Variants in HTT observed in about 807,000 individuals in gnomAD.
The protein encoded by HTT is huntington disease protein.
A neutral mutation model predicts 362.3 loss-of-function variants in HTT; 104 were observed. The ratio of observed to expected loss-of-function variants is 0.29; its 90% CI spans 0.24 to 0.34. The LOEUF (loss-of-function observed/expected upper bound fraction) is 0.34. Among genes scored for constraint, HTT ranks in the 10% least tolerant of loss-of-function variants. The probability of loss-of-function intolerance (pLI) is 1.00; values close to 1 mark genes in which losing one functional copy is unlikely to be tolerated. For missense variants in HTT, 3,301 were observed against 3,928.6 expected, an observed-to-expected ratio of 0.84 and a Z score of 4.27; for synonymous variants, 1,577 against 1,548.7, an observed-to-expected ratio of 1.02 and a Z score of -0.43.
Position 3,154,374 on chromosome 4 carries a change from G to A in HTT, c.3580G>A (p.Ala1194Thr), listed in dbSNP as rs1717044585. Reference sequence around the variant, plus strand: ...GAAGGAGAAAGAACCAGGAGAACAAGCATCTGTACCGTTGAGTCCCAAGAA... The same window carrying A: ...GAAGGAGAAAGAACCAGGAGAACAAACATCTGTACCGTTGAGTCCCAAGAA... ...KGKEKEPGEQ[A>T]SVPLSPKKGS... The change falls in exon 27 of 67, where the codon GCA (alanine) becomes ACA (threonine). Residue 1194 changes from alanine to threonine, a missense_variant. This residue lies in a region of HTT where 2,316 missense variants were observed against 2,658.5 expected (regional missense o/e 0.87). Coordinates refer to ENST00000355072, the MANE Select transcript of HTT (RefSeq NM_001388492.1). 5 of 1,613,814 alleles carry A rather than the reference G, an allele frequency of 3.1e-6. No homozygotes were observed. The East Asian group carries it at 1.1e-4, about 36-fold the overall frequency.
In HTT at chr4:3,142,879, C is replaced by T; in HGVS notation, c.3059C>T (p.Ala1020Val). The T allele has an allele frequency of 6.2e-7, 1 of 1,612,572 alleles. No homozygotes were observed. The highest frequency in any genetic ancestry group is 8.5e-7 in the Non-Finnish European group (1 of 1,178,832). Residue 1020 changes from alanine to valine, a missense_variant, in exon 23 of 67, where the codon GCA (alanine) becomes GTA (valine). Transcript: ENST00000355072. ...GAACTAATCACATCAACCACCAGAG[C>T]ACTCACAGTAAGTCTCTTTCTTGAT... Reference protein sequence around the residue: ...SHELITSTTRALTFGCCEALC... With the variant: ...SHELITSTTRVLTFGCCEALC...
At chr4:3,237,517 T>C (rs1000048838) in intron 64 of HTT, among the ~76,000 whole-genome samples, 25 of 152,202 alleles carry the variant, frequency 1.6e-4, no homozygotes, top group African/African-American at 5.8e-4. Flanking sequence ...GTGGGCCCAA[T>C]GCTAGGTGGC....
intron 24 of HTT, 89 bp from the exon 25 acceptor site, chr4:3,146,708 T>C: frequency 8.8e-7 from 1 of 1,141,830 alleles, no homozygotes. Context: ...TATTGTGACA[T>C]GCCTTCCTCT....
intron 21 of HTT, among the ~76,000 whole-genome samples, chr4:3,137,653 C>T (rs977058340): frequency 3.9e-5 from 6 of 152,308 alleles, no homozygotes; most frequent in Middle Eastern, 3.4e-3. Flanking sequence ...GAGCAGAGAT[C>T]GCGCCACTGC....
Position 3,129,908 on chromosome 4 carries a change from C to T in HTT, c.1744-16C>T, listed in dbSNP as rs142941007. On this transcript the variant is annotated splice_polypyrimidine_tract_variant and intron_variant, in intron 12 of 66. Transcript: ENST00000355072. ...TCACACTTCAAAATTCTCACAGCCCCCCTTGAACCGTTTAGGTGTTAGACG... is the reference window on the plus strand; with the variant it reads ...TCACACTTCAAAATTCTCACAGCCCTCCTTGAACCGTTTAGGTGTTAGACG... 6.2e-7 allele frequency: 1 copy of T among 1,613,922 alleles called. No homozygotes were observed. Among genetic ancestry groups the T allele is most frequent in the Admixed American group, 1.7e-5 (1 of 60,000 alleles).
chr4:3,191,330 C>A (rs1352619625), intron 40 of HTT, among the ~76,000 whole-genome samples: 1 of 151,998 alleles, frequency 6.6e-6, no homozygotes, highest in Non-Finnish European at 1.5e-5. Flanking sequence ...TGCACCACCA[C>A]GCCTGGCTAA....
intron 2 of HTT, among the ~76,000 whole-genome samples, chr4:3,088,056 C>T (rs1256474641): frequency 6.6e-6 from 1 of 151,206 alleles, no homozygotes; most frequent in Non-Finnish European, 1.5e-5. Flanking sequence ...AGGCTGATCT[C>T]GAACTCCCAA....
In HTT at chr4:3,148,045, A is replaced by G. The variant is rs774572565; in HGVS notation, c.3336A>G (p.Glu1112=). The change falls in exon 26 of 67, where the codon GAA becomes GAG. Residue 1112 remains glutamate (E), a synonymous_variant. Coordinates refer to ENST00000355072, the MANE Select transcript of HTT (RefSeq NM_001388492.1). Reference sequence around the variant, plus strand: ...CTCTGAGAAGTTCATGGGCCTCTGAAGAAGAAGCCAACCCAGCAGCCACCA... The same window carrying G: ...CTCTGAGAAGTTCATGGGCCTCTGAGGAAGAAGCCAACCCAGCAGCCACCA... ...PKSLRSSWAS[E]EEANPAATKQ... 1 of 1,614,084 alleles carries G rather than the reference A, an allele frequency of 6.2e-7. No individual in the cohort carries two copies. The highest frequency in any genetic ancestry group is 8.5e-7 in the Non-Finnish European group (1 of 1,179,986).
Position 3,223,448 on chromosome 4 carries a change from G to A in HTT, c.7513G>A (p.Ala2505Thr). 1 of 1,611,964 alleles carries A rather than the reference G, an allele frequency of 6.2e-7. No homozygotes were observed. Among genetic ancestry groups the A allele is most frequent in the Non-Finnish European group, 8.5e-7 (1 of 1,178,906 alleles). Residue 2505 changes from alanine (A) to threonine (T), a missense_variant, in exon 55 of 67, where the codon GCC (alanine) becomes ACC (threonine). Physicochemically the swap from Ala to Thr is moderately conservative, Grantham distance 58. Transcript: ENST00000355072. ...CCAGATCAACGTCCTGGCCGTGCAGGCCATCACCTCACTGGTGCTCAGTGC... is the reference window on the plus strand; with the variant it reads ...CCAGATCAACGTCCTGGCCGTGCAGACCATCACCTCACTGGTGCTCAGTGC... ...RTQINVLAVQ[A>T]ITSLVLSAMT... is the part of the protein sequence containing the mutation.
chr4:3,102,652 A>G (rs1433489795), intron 3 of HTT, among the ~76,000 whole-genome samples: 2 of 152,190 alleles, frequency 1.3e-5, no homozygotes, highest in African/African-American at 4.8e-5. Flanking sequence ...ACTTACATCA[A>G]CTGCCCATGC....
intron 51 of HTT, 131 bp downstream of exon 51, chr4:3,215,342 C>T: frequency 1.5e-6 from 1 of 645,346 alleles, no homozygotes; most frequent in Non-Finnish European, 2.7e-6. Context: ...CCTGCTGCTC[C>T]TCCCTAGCTG....
intron 21 of HTT, among the ~76,000 whole-genome samples, chr4:3,138,097 CTTCT>C (rs755738216): frequency 2.2e-5 from 3 of 135,520 alleles, no homozygotes; most frequent in Non-Finnish European, 4.8e-5. Flanking sequence ...TCCTTCCTTC[CTTCT>C]TTCCTTCCTC....
At chr4:3,199,619 G>A (rs1038404924) in intron 40 of HTT, 113 bp from the exon 41 acceptor site, 7 of 838,724 alleles carry the variant, frequency 8.3e-6, no homozygotes, top group African/African-American at 1.7e-5. Flanking sequence ...TTCTGAATAC[G>A]TAAGTATGGG....
chr4:3,166,376 C>T (rs1323625076), intron 29 of HTT, among the ~76,000 whole-genome samples: 1 of 152,180 alleles, frequency 6.6e-6, no homozygotes, highest in East Asian at 1.9e-4. Context: ...ACATGGGGGT[C>T]AGGGACCCAC....
At chr4:3,169,489 A>C (rs892683996) in intron 29 of HTT, among the ~76,000 whole-genome samples, 1 of 150,466 alleles carries the variant, frequency 6.6e-6, no homozygotes, top group African/African-American at 2.4e-5. Context: ...AGTTTCTATT[A>C]TTGTGTTTTC....
In HTT at chr4:3,154,383, C is replaced by T; in HGVS notation, c.3589C>T (p.Pro1197Ser). The T allele has an allele frequency of 6.2e-7, 1 of 1,613,898 alleles. No individual in the cohort carries two copies. Among genetic ancestry groups the T allele is most frequent in the South Asian group, 1.1e-5 (1 of 91,032 alleles). The change falls in exon 27 of 67, where the codon CCG (proline) becomes TCG (serine). Residue 1197 changes from proline (P) to serine (S), a missense_variant. Physicochemically the swap from Pro to Ser is moderately conservative, Grantham distance 74 (BLOSUM62 -1). Coordinates refer to ENST00000355072, the MANE Select transcript of HTT (RefSeq NM_001388492.1). Reference sequence around the variant, plus strand: ...AGAACCAGGAGAACAAGCATCTGTACCGTTGAGTCCCAAGAAAGGCAGTGA... The same window carrying T: ...AGAACCAGGAGAACAAGCATCTGTATCGTTGAGTCCCAAGAAAGGCAGTGA... Reference protein sequence around the residue: ...EKEPGEQASVPLSPKKGSEAS... With the variant: ...EKEPGEQASVSLSPKKGSEAS...
At chr4:3,117,028 A>G (rs993209833) in intron 8 of HTT, among the ~76,000 whole-genome samples, 1 of 152,226 alleles carries the variant, frequency 6.6e-6, no homozygotes, top group Non-Finnish European at 1.5e-5. Context: ...AGATAATGCT[A>G]ATAATTTAAG....
chr4:3,075,682 G>A (rs1053836909), intron 1 of HTT, among the ~76,000 whole-genome samples: 5 of 150,792 alleles, frequency 3.3e-5, no homozygotes, highest in Admixed American at 2.0e-4. Context: ...GCGTCCAATG[G>A]GAGATTTCTT....
chr4:3,136,211 T>C lies in HTT; in HGVS notation c.2698-15T>C, dbSNP rs1470427610. ...TACAAGATTATGTTTATTTTTATTA[T>C]CCTTCTCTCTAAAGCTTTTAAAACT... On this transcript the variant is annotated splice_polypyrimidine_tract_variant and intron_variant, in intron 20 of 66. Coordinates refer to ENST00000355072, the MANE Select transcript of HTT (RefSeq NM_001388492.1). The C allele has an allele frequency of 9.8e-6, 15 of 1,530,578 alleles. No homozygotes were observed. The highest frequency in any genetic ancestry group is 1.7e-5 in the Admixed American group (1 of 57,704). The allele number at this position is 1,530,578 out of a possible 1,614,324, so 94.8% of individuals were successfully genotyped here.
Sources: gnomAD v4.1 joint callset for allele counts (sites outside exome capture counted in the v4.1 genomes callset) on GRCh38, gnomAD v4.1.1 for gene constraint, gnomAD v4.1.1 regional missense constraint, MANE v1.5 for transcripts, NCBI Gene and HGNC (gene_info 2026-07-23, HGNC 2026-07-21) for gene names.